Variants in SIL1 observed in about 807,000 individuals in gnomAD.
SIL1 encodes the protein nucleotide exchange factor SIL1.
A neutral mutation model predicts 49.1 loss-of-function variants in SIL1; 40 were observed. The ratio of observed to expected loss-of-function variants is 0.81; its 90% CI spans 0.63 to 1.06. The LOEUF is 1.06. Ranked by LOEUF, SIL1 falls within the 50% of genes least tolerant of loss-of-function variation. SIL1 has a pLI of 0.00. For synonymous variants in SIL1, 253 were observed against 250.8 expected (o/e 1.01, Z -0.08); for missense variants, 500 against 572.6 (o/e 0.87, Z 1.29).
At chr5:139,057,897 C>G (rs1232810429) in intron 3 of SIL1, among the ~76,000 whole-genome samples, 1 of 152,148 alleles carries the variant, frequency 6.6e-6, no homozygotes, top group Non-Finnish European at 1.5e-5. Flanking sequence ...GTGGAAGGGG[C>G]CAGGAGGCAC....
At chr5:139,190,162 C>T (rs1752142099) in intron 1 of SIL1, among the ~76,000 whole-genome samples, 1 of 152,112 alleles carries the variant, frequency 6.6e-6, no homozygotes, top group South Asian at 2.1e-4. Flanking sequence ...GTGTTTAAAC[C>T]ACTCTGAAAT....
chr5:139,170,079 G>C (rs1484440521), intron 1 of SIL1, among the ~76,000 whole-genome samples: 1 of 152,202 alleles, frequency 6.6e-6, no homozygotes, highest in Non-Finnish European at 1.5e-5. Context: ...GTGTTGGCCG[G>C]GCTGGTCTCC....
intron 3 of SIL1, among the ~76,000 whole-genome samples, chr5:139,108,705 A>G (rs1405360657): frequency 6.6e-6 from 1 of 152,194 alleles, no homozygotes; most frequent in East Asian, 1.9e-4. Context: ...CGTGGCTGGA[A>G]GAATAGGCTG....
At chr5:139,071,400 A>C (rs946004902) in intron 3 of SIL1, among the ~76,000 whole-genome samples, 1 of 152,118 alleles carries the variant, frequency 6.6e-6, no homozygotes, top group Non-Finnish European at 1.5e-5. Context: ...GGAGGGAAAT[A>C]TTACAGTTGG....
At chr5:139,003,971 C>T (rs980569394) in intron 7 of SIL1, among the ~76,000 whole-genome samples, 1 of 152,114 alleles carries the variant, frequency 6.6e-6, no homozygotes, top group East Asian at 1.9e-4. Flanking sequence ...GTGAGTGGAA[C>T]ACCAAGAGAG....
chr5:139,108,402 C>T (rs1037007162), intron 3 of SIL1, among the ~76,000 whole-genome samples: 10 of 152,192 alleles, frequency 6.6e-5, no homozygotes, highest in South Asian at 2.1e-4. Flanking sequence ...TGCTTTTTTT[C>T]CCATGTTATG....
intron 3 of SIL1, among the ~76,000 whole-genome samples, chr5:139,099,454 A>G (rs1004644302): frequency 6.6e-6 from 1 of 152,214 alleles, no homozygotes; most frequent in Non-Finnish European, 1.5e-5. Flanking sequence ...AGAAATCAGT[A>G]TATCAAAGAG....
At chr5:138,991,007 TG>T (rs1413273228) in intron 7 of SIL1, among the ~76,000 whole-genome samples, 1 of 152,242 alleles carries the variant, frequency 6.6e-6, no homozygotes, top group Admixed American at 6.5e-5. Flanking sequence ...TTAGCCACCA[TG>T]CCCCACCCCC....
chr5:138,970,566 T>C (rs1767247161), intron 7 of SIL1, among the ~76,000 whole-genome samples: 1 of 152,072 alleles, frequency 6.6e-6, no homozygotes, highest in South Asian at 2.1e-4. Context: ...CACAGCTGGG[T>C]CCAGAGGCTT....
At chr5:139,028,265 C>T (rs920193627) in intron 5 of SIL1, among the ~76,000 whole-genome samples, 1 of 151,428 alleles carries the variant, frequency 6.6e-6, no homozygotes, top group Admixed American at 6.6e-5. Flanking sequence ...TTTGGTAGGC[C>T]GAGGCAGGCA....
At chr5:139,107,950 A>G (rs1028330441) in intron 3 of SIL1, 15 of 152,222 alleles carry the variant, frequency 9.9e-5, no homozygotes, top group Admixed American at 1.3e-4. Context: ...ACTAGCTATA[A>G]AAGACAGAGC....
At chr5:138,976,561 G>A (rs990504770) in intron 7 of SIL1, among the ~76,000 whole-genome samples, 7 of 152,002 alleles carry the variant, frequency 4.6e-5, no homozygotes, top group South Asian at 2.1e-4. Context: ...AGATCCACCC[G>A]CCTCAGCCTC....
At chr5:139,133,163 C>T (rs1750901044) in intron 1 of SIL1, among the ~76,000 whole-genome samples, 1 of 152,190 alleles carries the variant, frequency 6.6e-6, no homozygotes, top group Non-Finnish European at 1.5e-5. Flanking sequence ...TACCATCACT[C>T]TGTCCAGGAA....
chr5:139,041,210 C>T (rs752808829), intron 5 of SIL1, among the ~76,000 whole-genome samples: 2 of 152,204 alleles, frequency 1.3e-5, no homozygotes, highest in Non-Finnish European at 2.9e-5. Flanking sequence ...TGCCTTCCTT[C>T]ACCCACTGCT....
intron 3 of SIL1, among the ~76,000 whole-genome samples, chr5:139,074,998 T>C (rs183315380): frequency 1.5e-4 from 23 of 152,226 alleles, no homozygotes; most frequent in Admixed American, 9.2e-4. Context: ...CTGATTTTTG[T>C]ATTTTTAGTA....
chr5:139,106,238 G>A (rs1275658419), intron 3 of SIL1, among the ~76,000 whole-genome samples: 2 of 152,198 alleles, frequency 1.3e-5, no homozygotes, highest in Non-Finnish European at 2.9e-5. Context: ...GCATTCACAA[G>A]GTTTTGGGGC....
chr5:139,063,981 C>T (rs911762493), intron 3 of SIL1, among the ~76,000 whole-genome samples: 5 of 152,184 alleles, frequency 3.3e-5, no homozygotes, highest in African/African-American at 9.7e-5. Context: ...AAACAGAAGT[C>T]ATGATTGAAT....
chr5:139,181,941 C>G (rs1751990187), intron 1 of SIL1, among the ~76,000 whole-genome samples: 1 of 152,218 alleles, frequency 6.6e-6, no homozygotes, highest in South Asian at 2.1e-4. Context: ...GGGACCAGGG[C>G]TGGCCTGTTT....
intron 7 of SIL1, among the ~76,000 whole-genome samples, chr5:138,968,591 C>T (rs1767204140): frequency 6.6e-6 from 1 of 152,190 alleles, no homozygotes; most frequent in African/African-American, 2.4e-5. Context: ...CCCTGCTATG[C>T]ATTCCTGGGG....
Sources: allele counts gnomAD v4.1 joint callset (sites outside exome capture counted in the v4.1 genomes callset), GRCh38; gene constraint gnomAD v4.1.1; transcripts MANE v1.5; gene names NCBI Gene and HGNC (gene_info 2026-07-23, HGNC 2026-07-21).